The following RGS18 variants were observed in gnomAD, a reference collection of about 807,000 sequenced individuals.
The protein encoded by RGS18 is regulator of G protein signaling 18, also known as regulator of G-protein signaling 18.
A neutral mutation model predicts 27.6 loss-of-function variants in RGS18; 22 were observed. The ratio of observed to expected loss-of-function variants is 0.80; its 90% CI spans 0.57 to 1.14. RGS18 has a LOEUF of 1.14. Ranked by LOEUF, RGS18 falls within the 50% of genes most tolerant of loss-of-function variation. The pLI, the probability that RGS18 is intolerant of heterozygous loss-of-function variation, is 0.00. For synonymous variants in RGS18, 89 were observed against 84.6 expected (o/e 1.05, Z -0.29); for missense variants, 299 against 269.6 (o/e 1.11, Z -0.76).
intron 3 of RGS18, among the ~76,000 whole-genome samples, chr1:192,165,124 AT>A (rs1196672620): frequency 2.0e-5 from 3 of 152,114 alleles, no homozygotes; most frequent in African/African-American, 7.2e-5. Flanking sequence ...GAAAGAATGG[AT>A]TCCCCGGGGA....
intron 3 of RGS18, among the ~76,000 whole-genome samples, chr1:192,171,008 G>A (rs2102155194): frequency 6.6e-6 from 1 of 152,242 alleles, no homozygotes; most frequent in East Asian, 1.9e-4. Context: ...CCCTATGGGT[G>A]CTTATGTGCT....
At chr1:192,178,419 A>G (rs1481268640) in intron 3 of RGS18, among the ~76,000 whole-genome samples, 1 of 151,560 alleles carries the variant, frequency 6.6e-6, no homozygotes, top group Non-Finnish European at 1.5e-5. Flanking sequence ...GTAATTTTTC[A>G]GGAAATGAGT....
intron 3 of RGS18, among the ~76,000 whole-genome samples, chr1:192,162,120 A>T (rs1002322899): frequency 3.9e-5 from 6 of 152,200 alleles, no homozygotes; most frequent in Non-Finnish European, 8.8e-5. Flanking sequence ...ACAAAGTTTA[A>T]CTTGTATTCC....
At chr1:192,166,847 G>A (rs1656171632) in intron 3 of RGS18, among the ~76,000 whole-genome samples, 1 of 152,124 alleles carries the variant, frequency 6.6e-6, no homozygotes, top group Admixed American at 6.6e-5. Flanking sequence ...TTTTGTAAGT[G>A]CACACCTAAA....
chr1:192,159,263 C>A lies in RGS18; in HGVS notation c.163C>A (p.Pro55Thr). The A allele has an allele frequency of 6.2e-7, 1 of 1,613,768 alleles. No homozygotes were observed. Among genetic ancestry groups the A allele is most frequent in the Non-Finnish European group, 8.5e-7 (1 of 1,179,746 alleles). The change falls in exon 2 of 5, where the codon CCT becomes ACT. Residue 55 changes from proline to threonine, a missense_variant. Transcript: ENST00000367460. ...TAGACTAAGTCTTCTTGTGCAGAAA[C>A]CTGAGTTTCATGAAGACACCCGCTC... The part of the protein sequence containing the change: ...RNRLSLLVQK[P>T]EFHEDTRSSR...
chr1:192,164,551 A>G (rs962072754), intron 3 of RGS18, among the ~76,000 whole-genome samples: 1 of 152,182 alleles, frequency 6.6e-6, no homozygotes, highest in Non-Finnish European at 1.5e-5. Flanking sequence ...AAAATTATGC[A>G]TCAGTGTTGT....
At chr1:192,170,571 G>A (rs1008844224) in intron 3 of RGS18, among the ~76,000 whole-genome samples, 3 of 151,508 alleles carry the variant, frequency 2.0e-5, no homozygotes, top group Non-Finnish European at 2.9e-5. Context: ...TTCCTTTATA[G>A]CAATGCAAAA....
chr1:192,159,696 T>C (rs1056206511), intron 2 of RGS18, among the ~76,000 whole-genome samples: 2 of 152,176 alleles, frequency 1.3e-5, no homozygotes, highest in Non-Finnish European at 2.9e-5. Context: ...ACACGCATTA[T>C]AGCAAGTAAA....
intron 3 of RGS18, among the ~76,000 whole-genome samples, chr1:192,165,893 T>G (rs1006295583): frequency 6.6e-6 from 1 of 152,210 alleles, no homozygotes; most frequent in African/African-American, 2.4e-5. Flanking sequence ...TAATAAAAAT[T>G]TGTAGTTTAA....
intron 3 of RGS18, chr1:192,161,379 C>T (rs1656069630): frequency 6.6e-6 from 1 of 152,120 alleles, no homozygotes; most frequent in African/African-American, 2.4e-5. Context: ...GATTGCCACT[C>T]TTTAGGGTCA....
At chr1:192,165,082 A>G (rs1656140576) in intron 3 of RGS18, among the ~76,000 whole-genome samples, 1 of 152,136 alleles carries the variant, frequency 6.6e-6, no homozygotes, top group African/African-American at 2.4e-5. Context: ...TTATTTCCCC[A>G]GTAAGGAATA....
At chr1:192,183,509 C>T (rs1656491042) in intron 4 of RGS18, among the ~76,000 whole-genome samples, 1 of 151,432 alleles carries the variant, frequency 6.6e-6, no homozygotes, top group Admixed American at 6.6e-5. Context: ...CTTAGCAGTT[C>T]AATATTGCAT....
chr1:192,173,021 G>A (rs1197152990), intron 3 of RGS18, among the ~76,000 whole-genome samples: 1 of 151,000 alleles, frequency 6.6e-6, no homozygotes, highest in Non-Finnish European at 1.5e-5. Context: ...ATGTATATAA[G>A]TAACACTTAA....
chr1:192,180,123 C>T (rs1159129685), intron 3 of RGS18, among the ~76,000 whole-genome samples: 1 of 151,600 alleles, frequency 6.6e-6, no homozygotes, highest in Non-Finnish European at 1.5e-5. Flanking sequence ...TTTGAAGTCA[C>T]ATTGTCTTAA....
rs150587912 is a variant in RGS18 at position 192,176,325 on chromosome 1, C to T, written c.284-4967C>T. Among the ~76,000 whole-genome samples the T allele has an allele frequency of 4.1e-3, 629 of 151,892 alleles. 5 individuals carry two copies. The highest frequency in any genetic ancestry group is 0.014 in the African/African-American group (579 of 41,494). On this transcript the variant is annotated intron_variant, in intron 3 of 4. Transcript: ENST00000367460. ...TTCCAAATACATCATAATGCCCAAA[C>T]TCTTATCTCTGCCTCCTCAATTCAG...
At chr1:192,163,347 G>A (rs1422906256) in intron 3 of RGS18, 1 of 151,946 alleles carries the variant, frequency 6.6e-6, no homozygotes, top group African/African-American at 2.4e-5. Context: ...ATATAGACAG[G>A]ATTTCTTTCA....
chr1:192,160,459 A>G lies in RGS18; in HGVS notation c.283+20A>G. On this transcript the variant is annotated intron_variant, in intron 3 of 4. Transcript: ENST00000367460. Reference sequence around the variant, plus strand: ...ATAGAGGTTAGTGGTACTTTCACCAAATACTTTGTGTGCTTAATGGAAAAT... The same window carrying G: ...ATAGAGGTTAGTGGTACTTTCACCAGATACTTTGTGTGCTTAATGGAAAAT... 1 of 1,573,252 alleles carries G rather than the reference A, an allele frequency of 6.4e-7. No individual in the cohort carries two copies. Among genetic ancestry groups the G allele is most frequent in the Admixed American group, 1.7e-5 (1 of 59,658 alleles).
chr1:192,168,728 T>C (rs16834097), intron 3 of RGS18: 5,415 of 152,302 alleles, frequency 0.036, 235 homozygotes, highest in East Asian at 0.2. Flanking sequence ...GTCCTGCCCA[T>C]TAATCTCCAT....
At chr1:192,163,294 G>T (rs1656104612) in intron 3 of RGS18, 1 of 152,200 alleles carries the variant, frequency 6.6e-6, no homozygotes, top group East Asian at 1.9e-4. Flanking sequence ...GTTACAACTG[G>T]ATGATGATCA....
Sources: allele counts gnomAD v4.1 joint callset (sites outside exome capture counted in the v4.1 genomes callset), GRCh38; gene constraint gnomAD v4.1.1; transcripts MANE v1.5; gene names NCBI Gene and HGNC (gene_info 2026-07-23, HGNC 2026-07-21).